The following SYCP1 variants were observed in gnomAD, a reference collection of about 807,000 sequenced individuals.
SYCP1 encodes the protein synaptonemal complex protein 1, also known as cancer/testis antigen 8.
A neutral mutation model predicts 153.1 loss-of-function variants in SYCP1; 64 were observed. The observed-to-expected ratio is 0.42, with a 90% CI of 0.34 to 0.51. The LOEUF (loss-of-function observed/expected upper bound fraction) is 0.51. Among genes scored for constraint, SYCP1 ranks in the 20% least tolerant of loss-of-function variants. The probability of loss-of-function intolerance (pLI) is 0.06; values close to 1 mark genes in which losing one functional copy is unlikely to be tolerated. For synonymous variants in SYCP1, 384 were observed against 341.8 expected (o/e 1.12, Z -1.36); for missense variants, 997 against 1,049.0 (o/e 0.95, Z 0.68).
rs569529083 is a variant in SYCP1 at position 114,943,362 on chromosome 1, T to C, written c.1927-977T>C. ...GAGACAACTCAGTGCCCTGAACAAT[T>C]GATTACATAAACAGTGTTATATTCA... On this transcript the variant is annotated intron_variant, in intron 23 of 31. Coordinates refer to ENST00000369522, the MANE Select transcript of SYCP1 (RefSeq NM_003176.4). 2.6e-5 allele frequency among the ~76,000 whole-genome samples: 4 copies of C among 151,936 alleles called. No individual in the cohort carries two copies. In the South Asian group the frequency reaches 8.3e-4, roughly 32 times the overall value.
At chr1:114,898,783 C>T (rs1274485418) in intron 16 of SYCP1, among the ~76,000 whole-genome samples, 2 of 152,170 alleles carry the variant, frequency 1.3e-5, no homozygotes, top group Admixed American at 6.5e-5. Flanking sequence ...CATAGGACTT[C>T]TAGATTGGCT....
intron 20 of SYCP1, among the ~76,000 whole-genome samples, chr1:114,915,057 C>CA (rs1355851611): frequency 1.4e-5 from 2 of 143,192 alleles, no homozygotes; most frequent in Non-Finnish European, 3.1e-5. Flanking sequence ...ATGTTTTAAT[C>CA]AAAAAATTAA....
chr1:114,947,880 A>AT (rs1398418683), intron 27 of SYCP1, among the ~76,000 whole-genome samples: 1 of 148,504 alleles, frequency 6.7e-6, no homozygotes, highest in Non-Finnish European at 1.5e-5. Flanking sequence ...TACTGTTAAC[A>AT]TTTTTAATGT....
intron 19 of SYCP1, 82 bp downstream of exon 19, chr1:114,913,232 A>G (rs1305573466): frequency 7.2e-6 from 8 of 1,113,192 alleles, no homozygotes; most frequent in Non-Finnish European, 1.1e-5. Flanking sequence ...AGACCCTTTG[A>G]CCTTTAAAGT....
intron 15 of SYCP1, among the ~76,000 whole-genome samples, chr1:114,891,303 A>G (rs542200798): frequency 1.8e-4 from 28 of 152,294 alleles, no homozygotes; most frequent in South Asian, 4.1e-4. Context: ...GACCAGTGCT[A>G]TTATAGTTAC....
In SYCP1 at chr1:114,954,583, T is replaced by A. The variant is rs113367075; in HGVS notation, c.2322+7263T>A. On this transcript the variant is annotated intron_variant, in intron 27 of 31. Transcript: ENST00000369522. The stretch of plus-strand genomic sequence containing the variant: ...TATTTATTTATTTATTTATTTATTT[T>A]TTATTTATTTATTTTTGAGACGGAG... Among the ~76,000 whole-genome samples the A allele has an allele frequency of 1.4e-4, 17 of 119,808 alleles. 2 individuals carry two copies. The highest frequency in any genetic ancestry group is 4.6e-4 in the South Asian group (2 of 4,370). 78.6% of individuals were successfully genotyped at this position (119,808 alleles called of 152,430 possible).
At chr1:114,989,313 A>T (rs1162389382) in intron 30 of SYCP1, among the ~76,000 whole-genome samples, 1 of 151,982 alleles carries the variant, frequency 6.6e-6, no homozygotes, top group African/African-American at 2.4e-5. Context: ...GTTAAATGTA[A>T]TCTCCATGGT....
At chr1:114,970,387 T>C (rs1336654898) in intron 27 of SYCP1, among the ~76,000 whole-genome samples, 1 of 152,214 alleles carries the variant, frequency 6.6e-6, no homozygotes, top group Admixed American at 6.5e-5. Context: ...AGCTTAATAA[T>C]CGACCTTCTG....
chr1:114,915,655 C>T (rs959781017), intron 20 of SYCP1, among the ~76,000 whole-genome samples: 8 of 152,186 alleles, frequency 5.3e-5, no homozygotes, highest in African/African-American at 1.9e-4. Flanking sequence ...ATTTAAAACT[C>T]TTTTCAGTCA....
chr1:114,991,144 G>A (rs1399871339), intron 30 of SYCP1, among the ~76,000 whole-genome samples: 2 of 151,900 alleles, frequency 1.3e-5, no homozygotes, highest in Non-Finnish European at 2.9e-5. Context: ...ATTATTATTG[G>A]AAGCTTGAAT....
intron 27 of SYCP1, among the ~76,000 whole-genome samples, chr1:114,964,482 T>A (rs1472320845): frequency 2.0e-5 from 3 of 152,198 alleles, no homozygotes; most frequent in African/African-American, 7.2e-5. Context: ...GCCTAGGTTT[T>A]TTTTCTAGGG....
chr1:114,857,533 A>G (rs1217089794), intron 5 of SYCP1, 36 bp downstream of exon 5: 2 of 1,476,638 alleles, frequency 1.4e-6, no homozygotes, highest in East Asian at 2.3e-5. Context: ...AATTTCTTGT[A>G]ATTGGAATAT....
chr1:114,873,308 T>C (rs762210484), intron 8 of SYCP1, among the ~76,000 whole-genome samples: 3 of 152,160 alleles, frequency 2.0e-5, no homozygotes, highest in Non-Finnish European at 4.4e-5. Context: ...TATAGACCTA[T>C]GGTTAGGTCT....
At chr1:114,969,124 T>C (rs1280083151) in intron 27 of SYCP1, among the ~76,000 whole-genome samples, 1 of 152,200 alleles carries the variant, frequency 6.6e-6, no homozygotes, top group African/African-American at 2.4e-5. Flanking sequence ...TGGCCCCTGC[T>C]GGGAGGTGTC....
chr1:114,966,788 G>A (rs542113806), intron 27 of SYCP1, among the ~76,000 whole-genome samples: 5 of 151,670 alleles, frequency 3.3e-5, no homozygotes, highest in South Asian at 4.2e-4. Context: ...GGGTTCAAGC[G>A]ATTCTCCTGT....
intron 27 of SYCP1, among the ~76,000 whole-genome samples, chr1:114,964,892 C>T (rs1338457715): frequency 1.3e-5 from 2 of 152,066 alleles, no homozygotes; most frequent in African/African-American, 4.8e-5. Context: ...TTTTCTAATT[C>T]TATGAAGAAA....
At chr1:114,882,687 A>T (rs1020324301) in intron 12 of SYCP1, among the ~76,000 whole-genome samples, 2 of 151,998 alleles carry the variant, frequency 1.3e-5, no homozygotes, top group African/African-American at 4.8e-5. Context: ...TACTTGAAAA[A>T]AAAGATTACT....
At chr1:114,990,635 G>A (rs937880257) in intron 30 of SYCP1, among the ~76,000 whole-genome samples, 14 of 151,956 alleles carry the variant, frequency 9.2e-5, no homozygotes, top group South Asian at 6.2e-4. Flanking sequence ...ACTACTGACC[G>A]TTCAGAGATA....
intron 15 of SYCP1, among the ~76,000 whole-genome samples, chr1:114,890,633 T>A (rs1464030509): frequency 6.6e-6 from 1 of 152,250 alleles, no homozygotes; most frequent in South Asian, 2.1e-4. Context: ...TGAAGGAGTG[T>A]ACAAAACATC....
Sources: gnomAD v4.1 joint callset for allele counts (sites outside exome capture counted in the v4.1 genomes callset) on GRCh38, gnomAD v4.1.1 for gene constraint, MANE v1.5 for transcripts, NCBI Gene and HGNC (gene_info 2026-07-23, HGNC 2026-07-21) for gene names.